The following SDHA variants were observed in gnomAD, a reference collection of about 807,000 sequenced individuals.
The protein encoded by SDHA is succinate dehydrogenase complex flavoprotein subunit A, also known as succinate dehydrogenase [ubiquinone] flavoprotein subunit, mitochondrial.
SDHA carries 48 observed loss-of-function variants against 78.4 expected under a neutral mutation model. The observed-to-expected ratio is 0.61, with a 90% CI of 0.49 to 0.78. The LOEUF (loss-of-function observed/expected upper bound fraction) is 0.78. SDHA is among the 30% of genes least tolerant of loss of function. The pLI, the probability that SDHA is intolerant of heterozygous loss-of-function variation, is 0.00. For missense variants in SDHA, 680 were observed against 892.7 expected (o/e 0.76, Z 3.04); for synonymous variants, 326 against 353.9 (o/e 0.92, Z 0.88).
At chr5:235,377 G>C in intron 9 of SDHA, 38 bp downstream of exon 9, 2 of 1,604,346 alleles carry the variant, frequency 1.2e-6, no homozygotes, top group Non-Finnish European at 1.7e-6. Flanking sequence ...CTGGAAAGAA[G>C]GCTGGGACGA....
At position 256,810 on chromosome 5, in the gene SDHA, C is replaced by G; in HGVS notation, c.*390C>G. On this transcript the variant is annotated 3_prime_UTR_variant, in exon 15 of 15. Transcript: ENST00000264932. ...AAAATCCAGATATTTTGTATAGTTTCTTTTTTCTTTTTCTTTTCTTTTTTT... is the reference window on the plus strand; with the variant it reads ...AAAATCCAGATATTTTGTATAGTTTGTTTTTTCTTTTTCTTTTCTTTTTTT... The G allele has an allele frequency of 3.9e-6, 1 of 253,400 alleles. No individual in the cohort carries two copies. Among genetic ancestry groups the G allele is most frequent in the South Asian group, 9.2e-5 (1 of 10,878 alleles). The allele number at this position is 253,400 out of a possible 1,614,324, so 15.7% of individuals were successfully genotyped here. A position where few individuals can be genotyped will look rare whatever the true frequency, so the allele number is the denominator to read the frequency against.
chr5:255,456 GT>G (rs200609682), intron 14 of SDHA, among the ~76,000 whole-genome samples: 1 of 150,314 alleles, frequency 6.7e-6, no homozygotes, highest in Non-Finnish European at 1.5e-5. Flanking sequence ...GGGTTTTTTG[GT>G]TTTTTTTTGT....
chr5:264,816 A>G, the SDHA span, among the ~76,000 whole-genome samples: 1 of 152,234 alleles, frequency 6.6e-6, no homozygotes, highest in South Asian at 2.1e-4. Flanking sequence ...CTAAATTTCA[A>G]TCAATCATCT....
chr5:262,701 A>G, the SDHA span, among the ~76,000 whole-genome samples: 4 of 152,252 alleles, frequency 2.6e-5, no homozygotes, highest in Non-Finnish European at 5.9e-5. Context: ...GAACTGGCAT[A>G]GAAGTAAATG....
chr5:238,424 C>CATAT, intron 10 of SDHA, among the ~76,000 whole-genome samples: 1 of 150,942 alleles, frequency 6.6e-6, no homozygotes, highest in East Asian at 1.9e-4. Context: ...AAAAAAAATA[C>CATAT]ATATATATAC....
chr5:264,842 T>C, the SDHA span, among the ~76,000 whole-genome samples: 9 of 152,226 alleles, frequency 5.9e-5, no homozygotes, highest in Non-Finnish European at 1.3e-4. Flanking sequence ...TTACTTGTCT[T>C]ATTGGTATTA....
At chr5:264,716 G>A in the SDHA span, among the ~76,000 whole-genome samples, 3 of 152,168 alleles carry the variant, frequency 2.0e-5, no homozygotes, top group African/African-American at 4.8e-5. Flanking sequence ...CTATTACTTC[G>A]TGTGTCATCA....
the SDHA span, among the ~76,000 whole-genome samples, chr5:265,025 T>C: frequency 6.6e-6 from 1 of 152,170 alleles, no homozygotes; most frequent in Non-Finnish European, 1.5e-5. Context: ...CTTGCCAACA[T>C]GGTGAAACCC....
chr5:240,903 T>G (rs1736098483), intron 11 of SDHA, among the ~76,000 whole-genome samples: 1 of 152,070 alleles, frequency 6.6e-6, no homozygotes, highest in Admixed American at 6.5e-5. Flanking sequence ...TGTACCACAT[T>G]TTCTTCATCT....
chr5:229,947 G>T (rs758103421), intron 6 of SDHA, among the ~76,000 whole-genome samples: 2 of 151,584 alleles, frequency 1.3e-5, no homozygotes, highest in Non-Finnish European at 2.9e-5. Flanking sequence ...TTAATATACA[G>T]CATGGTGGCT....
chr5:231,050 T>G (rs373546005), intron 7 of SDHA, 50 bp downstream of exon 7: 1 of 1,608,152 alleles, frequency 6.2e-7, no homozygotes, highest in African/African-American at 1.3e-5. Context: ...GTGTGTCTTG[T>G]AAGCATGTGA....
At position 224,507 on chromosome 5, in the gene SDHA, A is replaced by G. The variant is rs1304729997; in HGVS notation, c.298A>G (p.Thr100Ala). ...CAAGCTGTTTCCTACCAGGTCACAC[A>G]CTGTTGCAGCACAGGTAAGAGAAAG... is the stretch of plus-strand genomic sequence containing the variant. ...VTKLFPTRSH[T>A]VAAQGGINAA... The change falls in exon 3 of 15, where the codon ACT becomes GCT. Residue 100 changes from threonine to alanine, a missense_variant. Thr to Ala is a moderately conservative substitution (Grantham distance 58, BLOSUM62 0). Coordinates refer to ENST00000264932, the MANE Select transcript of SDHA (RefSeq NM_004168.4). 1 of 1,612,676 alleles carries G rather than the reference A, an allele frequency of 6.2e-7. No homozygotes were observed.
At chr5:225,363 G>A in intron 3 of SDHA, 56 bp from the exon 4 acceptor site, 1 of 1,611,584 alleles carries the variant, frequency 6.2e-7, no homozygotes, top group Admixed American at 1.7e-5. Context: ...TTTGGGCCTG[G>A]AAGACAAAGT....
intron 13 of SDHA, chr5:251,952 ATTAAATAACGAGTAAGCCACCG>A (rs1465372916): frequency 3.8e-5 from 13 of 345,244 alleles, no homozygotes; most frequent in South Asian, 4.5e-5. Context: ...ATGCCAGTTT[ATTAAATAACGAGTAAGCCACCG>A]TTTCAAGCCT....
chr5:265,445 T>C, the SDHA span, among the ~76,000 whole-genome samples: 1 of 152,178 alleles, frequency 6.6e-6, no homozygotes, highest in African/African-American at 2.4e-5. Context: ...TTGGTCACTC[T>C]TGGAGGTACC....
Position 240,493 on chromosome 5 carries a change from G to A in SDHA, c.1551+17G>A, listed in dbSNP as rs376232883. On this transcript the variant is annotated intron_variant, in intron 11 of 14. Coordinates refer to ENST00000264932, the MANE Select transcript of SDHA (RefSeq NM_004168.4). ...ATGCAGAAGGTAAGAGCCTGGACTC[G>A]CTCTGGAGTGAGCAGGAGGGCTGCA... is the stretch of plus-strand genomic sequence containing the variant. The A allele has an allele frequency of 1.9e-5, 28 of 1,507,440 alleles. No individual in the cohort carries two copies. Among genetic ancestry groups the A allele is most frequent in the South Asian group, 3.4e-5 (3 of 88,952 alleles). 93.4% of individuals were successfully genotyped at this position (1,507,440 alleles called of 1,614,324 possible). A position where few individuals can be genotyped will look rare whatever the true frequency, so the allele number is the denominator to read the frequency against.
chr5:236,149 C>A, intron 9 of SDHA: 1 of 452,114 alleles, frequency 2.2e-6, no homozygotes, highest in Non-Finnish European at 4.1e-6. Flanking sequence ...CTCAGCCTCC[C>A]TAGTAGCTGG....
chr5:233,863 G>T (rs1280252233), intron 8 of SDHA: 2 of 529,800 alleles, frequency 3.8e-6, no homozygotes, highest in Non-Finnish European at 6.9e-6. Context: ...GTGGAACAGA[G>T]TTTCTCTTAG....
At chr5:231,477 T>G (rs564087718) in intron 7 of SDHA, among the ~76,000 whole-genome samples, 2 of 151,560 alleles carry the variant, frequency 1.3e-5, no homozygotes, top group South Asian at 4.2e-4. Flanking sequence ...GGAGGAATGC[T>G]TGAACCTGGG....
Sources: gnomAD v4.1 joint callset for allele counts (sites outside exome capture counted in the v4.1 genomes callset) on GRCh38, gnomAD v4.1.1 for gene constraint, MANE v1.5 for transcripts, NCBI Gene and HGNC (gene_info 2026-07-23, HGNC 2026-07-21) for gene names.